SERINC1: variants seen among roughly 807,000 people sequenced by gnomAD.
SERINC1 encodes tumor differentially expressed protein 2.
Under a neutral mutation model 52.9 loss-of-function variants are expected in SERINC1, and 38 were observed. The observed-to-expected ratio is 0.72, with a 90% CI of 0.55 to 0.94. The LOEUF is 0.94. SERINC1 is among the 40% of genes least tolerant of loss of function. SERINC1 has a pLI of 0.00. For synonymous variants in SERINC1, 198 were observed against 183.1 expected (o/e 1.08, Z -0.66); for missense variants, 471 against 533.9 (o/e 0.88, Z 1.16).
chr6:122,464,928 A>G (rs1775161679), intron 1 of SERINC1, among the ~76,000 whole-genome samples: 1 of 152,178 alleles, frequency 6.6e-6, no homozygotes, highest in Non-Finnish European at 1.5e-5. Flanking sequence ...CATAAAAATA[A>G]TAGTACAAAG....
intron 5 of SERINC1, among the ~76,000 whole-genome samples, chr6:122,453,471 A>C (rs1774946056): frequency 6.6e-6 from 1 of 152,162 alleles, no homozygotes; most frequent in South Asian, 2.1e-4. Context: ...GTAGGCTAGA[A>C]AATTAGGCTA....
chr6:122,447,303 T>C, intron 7 of SERINC1, 38 bp from the exon 8 acceptor site: 1 of 1,509,272 alleles, frequency 6.6e-7, no homozygotes. Context: ...TAGAATATAT[T>C]AAAAAGATGT....
chr6:122,460,627 T>C (rs1269932477), intron 1 of SERINC1, among the ~76,000 whole-genome samples: 3 of 152,176 alleles, frequency 2.0e-5, no homozygotes, highest in African/African-American at 7.2e-5. Flanking sequence ...AGCCCAAGAA[T>C]ATTTTTTTGA....
chr6:122,454,788 T>C (rs1774969312), intron 3 of SERINC1, among the ~76,000 whole-genome samples: 1 of 151,918 alleles, frequency 6.6e-6, no homozygotes, highest in South Asian at 2.1e-4. Context: ...GCAAAGGGAA[T>C]ACACAATGGG....
At position 122,451,737 on chromosome 6, in the gene SERINC1, A is replaced by G; in HGVS notation, c.777T>C (p.Ser259=). 1.2e-6 allele frequency: 1 copy of G among 848,576 alleles called. No homozygotes were observed. Among genetic ancestry groups the G allele is most frequent in the South Asian group, 3.4e-5 (1 of 29,738 alleles). The allele number at this position is 848,576 out of a possible 1,614,324, so 52.6% of individuals were successfully genotyped here. ...TAATTACTGAAGACTGTAACAAACCAGATCTTGGTTGTGATTCCTACAAAA... is the reference window on the plus strand; with the variant it reads ...TAATTACTGAAGACTGTAACAAACCGGATCTTGGTTGTGATTCCTACAAAA... ...LPKIQESQPR[S]GLLQSSVITV... is the part of the protein sequence containing the mutation. The change falls in exon 7 of 10, where the codon TCT becomes TCC. Residue 259 remains serine, a synonymous_variant. Coordinates refer to ENST00000339697, the MANE Select transcript of SERINC1 (RefSeq NM_020755.4).
In SERINC1 at chr6:122,451,776, A is replaced by ATATAT. The variant is rs1554211250; in HGVS notation, c.760-23_760-22insATATA. 6.9e-3 allele frequency: 771 copies of ATATAT among 112,384 alleles called. 4 individuals carry two copies. Among genetic ancestry groups the ATATAT allele is most frequent in the Admixed American group, 0.024 (76 of 3,112 alleles). 7.0% of individuals were successfully genotyped at this position (112,384 alleles called of 1,614,324 possible). A position where few individuals can be genotyped will look rare whatever the true frequency, so the allele number is the denominator to read the frequency against. On this transcript the variant is annotated intron_variant, in intron 6 of 9. Transcript: ENST00000339697. ...ATTCCTACAAAAAAAAAAAAAAAAA[A>ATATAT]ATATATATATATATATATAGCAACA...
chr6:122,443,461 T>C lies in SERINC1; in HGVS notation c.*1583A>G, dbSNP rs1243274681. 2.6e-5 allele frequency: 4 copies of C among 152,212 alleles called. No individual in the cohort carries two copies. The East Asian group carries it at 5.8e-4, about 22-fold the overall frequency. The allele number at this position is 152,212 out of a possible 1,614,324, so 9.4% of individuals were successfully genotyped here. A position where few individuals can be genotyped will look rare whatever the true frequency, so the allele number is the denominator to read the frequency against. On this transcript the variant is annotated 3_prime_UTR_variant, in exon 10 of 10. Transcript: ENST00000339697. ...AATTAAGCTGAATTGTTATATTCCA[T>C]TCACATTAATAAATATTTTTAAAGA... is the stretch of plus-strand genomic sequence containing the variant.
At chr6:122,445,363 AT>A (rs1203883865) in intron 9 of SERINC1, among the ~76,000 whole-genome samples, 184 bp from the exon 10 acceptor site, 3 of 152,124 alleles carry the variant, frequency 2.0e-5, no homozygotes, top group African/African-American at 7.2e-5. Context: ...AAAATCTGTT[AT>A]TTCCTTTAAT....
intron 5 of SERINC1, among the ~76,000 whole-genome samples, chr6:122,452,875 A>G (rs1257273885): frequency 6.6e-6 from 1 of 152,186 alleles, no homozygotes; most frequent in African/African-American, 2.4e-5. Flanking sequence ...GAGATAAAAC[A>G]CCACAAATTA....
At chr6:122,470,261 C>T (rs117286843) in intron 1 of SERINC1, among the ~76,000 whole-genome samples, 4,542 of 152,296 alleles carry the variant, frequency 0.03, 96 homozygotes, top group Middle Eastern at 0.058. Context: ...GCTATTAACA[C>T]AGAAACTAAA....
chr6:122,443,649 AG>A lies in SERINC1; in HGVS notation c.*1394del, dbSNP rs1246495847. ...ATTTTAAACATCTTTTGAACTGTGT[AG>A]TATACTATAAGCAGGAGTTTATTCT... On this transcript the variant is annotated 3_prime_UTR_variant, in exon 10 of 10. Transcript: ENST00000339697. 6.6e-6 allele frequency: 1 copy of A among 152,204 alleles called. No individual in the cohort carries two copies. The highest frequency in any genetic ancestry group is 1.5e-5 in the Non-Finnish European group (1 of 68,038). The allele number at this position is 152,204 out of a possible 1,614,324, so 9.4% of individuals were successfully genotyped here.
intron 3 of SERINC1, chr6:122,454,465 C>T: frequency 2.3e-6 from 1 of 429,614 alleles, no homozygotes; most frequent in Non-Finnish European, 4.2e-6. Flanking sequence ...ACCATGAACC[C>T]AAGCTTATAT....
At chr6:122,445,326 T>C in intron 9 of SERINC1, 147 bp from the exon 10 acceptor site, 1 of 749,320 alleles carries the variant, frequency 1.3e-6, no homozygotes, top group South Asian at 1.9e-5. Context: ...CTGCTCCCTT[T>C]CTTTCCACAC....
chr6:122,464,515 G>A (rs1286854007), intron 1 of SERINC1, among the ~76,000 whole-genome samples: 5 of 152,262 alleles, frequency 3.3e-5, no homozygotes, highest in South Asian at 2.1e-4. Flanking sequence ...ACCTATGCAC[G>A]TGCAGAGGGA....
chr6:122,451,418 G>A (rs1353394585), intron 7 of SERINC1, among the ~76,000 whole-genome samples: 1 of 152,056 alleles, frequency 6.6e-6, no homozygotes, highest in African/African-American at 2.4e-5. Context: ...TTACTGTGAT[G>A]CTTGTTTCAT....
chr6:122,465,311 A>G (rs1250554627), intron 1 of SERINC1, among the ~76,000 whole-genome samples: 1 of 152,128 alleles, frequency 6.6e-6, no homozygotes, highest in Non-Finnish European at 1.5e-5. Flanking sequence ...TGATTGGTTG[A>G]ATGTCTTTCC....
intron 1 of SERINC1, among the ~76,000 whole-genome samples, chr6:122,468,445 T>A (rs1775222393): frequency 6.6e-6 from 1 of 152,182 alleles, no homozygotes; most frequent in African/African-American, 2.4e-5. Context: ...GGAGCAAAAC[T>A]GTGTCCAGTT....
intron 1 of SERINC1, among the ~76,000 whole-genome samples, chr6:122,462,719 T>C (rs373527056): frequency 3.9e-5 from 6 of 152,214 alleles, no homozygotes; most frequent in African/African-American, 1.4e-4. Flanking sequence ...CACAATCATG[T>C]TTCTACGTAT....
At chr6:122,467,970 T>C (rs984758748) in intron 1 of SERINC1, among the ~76,000 whole-genome samples, 4 of 152,096 alleles carry the variant, frequency 2.6e-5, no homozygotes, top group African/African-American at 9.7e-5. Flanking sequence ...TGTATGTTAA[T>C]TAGAAATACG....
Sources: gnomAD v4.1 joint callset for allele counts (sites outside exome capture counted in the v4.1 genomes callset) on GRCh38, gnomAD v4.1.1 for gene constraint, MANE v1.5 for transcripts, NCBI Gene and HGNC (gene_info 2026-07-23, HGNC 2026-07-21) for gene names.